The following NFYA variants were observed in gnomAD, a reference collection of about 807,000 sequenced individuals.
NFYA encodes CAAT-box DNA binding protein subunit A.
A neutral mutation model predicts 52.8 loss-of-function variants in NFYA; 28 were observed. The observed-to-expected ratio is 0.53, with a 90% CI of 0.39 to 0.73. NFYA has a LOEUF of 0.73. NFYA is among the 30% of genes least tolerant of loss of function. NFYA has a pLI of 0.00. For missense variants in NFYA, 234 were observed against 427.0 expected (o/e 0.55, Z 3.98); for synonymous variants, 150 against 150.7 (o/e 1.00, Z 0.03).
chr6:41,085,409 TG>T (rs1764018843), intron 4 of NFYA, among the ~76,000 whole-genome samples: 3 of 152,234 alleles, frequency 2.0e-5, no homozygotes. Context: ...ACTGTTGACT[TG>T]GGGTGGGTTA....
At chr6:41,087,964 A>G (rs1764091272) in intron 4 of NFYA, among the ~76,000 whole-genome samples, 1 of 152,228 alleles carries the variant, frequency 6.6e-6, no homozygotes, top group Non-Finnish European at 1.5e-5. Flanking sequence ...CAATCCTAGG[A>G]CCAAATAGGA....
chr6:41,073,305 C>T (rs1368890411), intron 1 of NFYA, among the ~76,000 whole-genome samples: 1 of 151,574 alleles, frequency 6.6e-6, no homozygotes, highest in East Asian at 2.0e-4. Flanking sequence ...GCGGGGATGG[C>T]GCCTCGGGGA....
intron 1 of NFYA, among the ~76,000 whole-genome samples, chr6:41,077,599 A>G (rs1362029961): frequency 2.0e-5 from 3 of 152,214 alleles, no homozygotes; most frequent in Non-Finnish European, 4.4e-5. Context: ...CCCCTAACAG[A>G]CTCACAGTCT....
chr6:41,081,470 A>G (rs370744144), intron 3 of NFYA, among the ~76,000 whole-genome samples: 2 of 151,844 alleles, frequency 1.3e-5, no homozygotes, highest in Middle Eastern at 3.2e-3. Context: ...AGCCTGGGTG[A>G]CAGAGCGAGA....
Position 41,084,163 on chromosome 6 carries a change from C to T in NFYA, c.280C>T (p.Pro94Ser), listed in dbSNP as rs1763980921. The part of the protein sequence containing the change: ...GGQGQTIMQV[P>S]VSGTQGLQQI... Reference sequence around the variant, plus strand: ...ACAAGGTCAAACCATCATGCAAGTACCTGTTTCTGGAACACAGGGTTTGCA... The same window carrying T: ...ACAAGGTCAAACCATCATGCAAGTATCTGTTTCTGGAACACAGGGTTTGCA... The change falls in exon 4 of 10, where the codon CCT (proline) becomes TCT (serine). Residue 94 changes from proline to serine, a missense_variant. Around this residue, in one of 3 missense-constraint regions of NFYA, gnomAD observed 118 missense variants for 182.4 expected, o/e 0.65. Coordinates refer to ENST00000341376, the MANE Select transcript of NFYA (RefSeq NM_002505.5). The T allele has an allele frequency of 1.2e-6, 2 of 1,613,964 alleles. No homozygotes were observed. The highest frequency in any genetic ancestry group is 1.7e-6 in the Non-Finnish European group (2 of 1,179,992).
At chr6:41,085,274 T>C (rs1259013431) in intron 4 of NFYA, among the ~76,000 whole-genome samples, 1 of 152,206 alleles carries the variant, frequency 6.6e-6, no homozygotes, top group Non-Finnish European at 1.5e-5. Flanking sequence ...AAGACACTTT[T>C]CATAGCATTG....
intron 3 of NFYA, among the ~76,000 whole-genome samples, chr6:41,081,815 A>G (rs1317617990): frequency 6.6e-6 from 1 of 152,204 alleles, no homozygotes; most frequent in Non-Finnish European, 1.5e-5. Flanking sequence ...GGTTAGGCAG[A>G]AGCAGGATGT....
intron 1 of NFYA, among the ~76,000 whole-genome samples, chr6:41,074,986 A>G (rs1330501180): frequency 6.6e-6 from 1 of 151,600 alleles, no homozygotes; most frequent in East Asian, 1.9e-4. Flanking sequence ...TACAACTAAT[A>G]GGTTTCAGAA....
chr6:41,085,287 C>T (rs1204082761), intron 4 of NFYA, among the ~76,000 whole-genome samples: 1 of 151,974 alleles, frequency 6.6e-6, no homozygotes, highest in African/African-American at 2.4e-5. Flanking sequence ...TAGCATTGTA[C>T]TAGCAAAAAA....
rs183085366 is a variant in NFYA, at chr6:41,090,147, G to A, written c.442-57G>A. The A allele has an allele frequency of 5.2e-4, 622 of 1,186,722 alleles. 1 individual carries two copies. Among genetic ancestry groups the A allele is most frequent in the East Asian group, 2.8e-3 (120 of 42,292 alleles). The allele number at this position is 1,186,722 out of a possible 1,614,324, so 73.5% of individuals were successfully genotyped here. On this transcript the variant is annotated intron_variant, in intron 5 of 9. Coordinates refer to ENST00000341376, the MANE Select transcript of NFYA (RefSeq NM_002505.5). ...AATTTTTTTTTTTAAGGACTACATCGTTCTTTGTTAGTATCTTTGGGATCT... is the reference window on the plus strand; with the variant it reads ...AATTTTTTTTTTTAAGGACTACATCATTCTTTGTTAGTATCTTTGGGATCT...
At chr6:41,094,608 C>G (rs972734649) in intron 9 of NFYA, 111 bp downstream of exon 9, 2 of 727,538 alleles carry the variant, frequency 2.7e-6, no homozygotes, top group East Asian at 2.6e-5. Context: ...TACTCACATT[C>G]TCTAAACTGG....
In NFYA at chr6:41,073,237, C is replaced by T. The variant is rs557933940; in HGVS notation, c.-62+153C>T. The stretch of plus-strand genomic sequence containing the variant: ...GAGCCGGGCGGCCAGCGGCCCCGGC[C>T]CGGGGCCTGCGAGCGCCTCGGGGCA... On this transcript the variant is annotated intron_variant, in intron 1 of 9. Coordinates refer to ENST00000341376, the MANE Select transcript of NFYA (RefSeq NM_002505.5). Among the ~76,000 whole-genome samples, 314 of 151,718 alleles carry T rather than the reference C, an allele frequency of 2.1e-3. 1 individual carries two copies. Among genetic ancestry groups the T allele is most frequent in the Non-Finnish European group, 3.5e-3 (238 of 67,808 alleles).
chr6:41,077,561 A>G (rs1011700685), intron 1 of NFYA, among the ~76,000 whole-genome samples: 9 of 152,198 alleles, frequency 5.9e-5, no homozygotes, highest in African/African-American at 1.9e-4. Context: ...ATTAGAGACA[A>G]GATAGAATTT....
At chr6:41,087,719 A>G (rs564127759) in intron 4 of NFYA, among the ~76,000 whole-genome samples, 26 of 152,118 alleles carry the variant, frequency 1.7e-4, no homozygotes, top group Non-Finnish European at 3.5e-4. Flanking sequence ...TTGCACTTAA[A>G]AAAAAAAGTG....
chr6:41,094,376 G>A lies in NFYA; in HGVS notation c.889-20G>A. On this transcript the variant is annotated intron_variant, in intron 8 of 9. Coordinates refer to ENST00000341376, the MANE Select transcript of NFYA (RefSeq NM_002505.5). ...TTCTGGATAGTATTAATAGTTAAAT[G>A]GTTTTATTTCTCGTTTTAGAAATAC... 1.2e-6 allele frequency: 2 copies of A among 1,606,192 alleles called. No homozygotes were observed. Among genetic ancestry groups the A allele is most frequent in the South Asian group, 1.1e-5 (1 of 90,872 alleles).
chr6:41,091,311 T>C (rs1206829152), intron 6 of NFYA, among the ~76,000 whole-genome samples: 1 of 152,230 alleles, frequency 6.6e-6, no homozygotes, highest in Non-Finnish European at 1.5e-5. Context: ...TACTCAAAAC[T>C]GGGACCTAGA....
intron 2 of NFYA, among the ~76,000 whole-genome samples, chr6:41,080,032 A>G (rs535646676): frequency 1.1e-4 from 17 of 152,296 alleles, no homozygotes; most frequent in Non-Finnish European, 2.2e-4. Context: ...AGGGCCCTCC[A>G]TTCACACCAG....
rs946638200 is a variant in NFYA, at chr6:41,100,318, G to T, written c.*2908G>T. 4.3e-4 allele frequency among the ~76,000 whole-genome samples: 66 copies of T among 152,318 alleles called. No homozygotes were observed. Among genetic ancestry groups the T allele is most frequent in the African/African-American group, 1.6e-3 (65 of 41,564 alleles). On this transcript the variant is annotated 3_prime_UTR_variant, in exon 10 of 10. Transcript: ENST00000341376. ...GTATTGTAGAATTTCAGGTAGTGAA[G>T]ATGTACTATTTACGTTTTGTTAGAT...
chr6:41,081,696 C>T (rs1316273371), intron 3 of NFYA, among the ~76,000 whole-genome samples: 3 of 152,144 alleles, frequency 2.0e-5, no homozygotes, highest in African/African-American at 2.4e-5. Flanking sequence ...TATCTAAGCA[C>T]TGAATCTTGT....
Sources: allele counts gnomAD v4.1 joint callset (sites outside exome capture counted in the v4.1 genomes callset), GRCh38; gene constraint gnomAD v4.1.1; regional missense constraint gnomAD v4.1.1; transcripts MANE v1.5; gene names NCBI Gene and HGNC (gene_info 2026-07-23, HGNC 2026-07-21).